GPC5: variants seen among roughly 807,000 people sequenced by gnomAD.
GPC5 encodes glypican 5.
Under a neutral mutation model 53.9 loss-of-function variants are expected in GPC5, and 47 were observed. That is an observed-to-expected ratio of 0.87 (90% CI 0.69 to 1.11). The LOEUF (loss-of-function observed/expected upper bound fraction) is 1.11, where lower values mean the gene tolerates loss of function less well. Ranked by LOEUF, GPC5 falls within the 50% of genes most tolerant of loss-of-function variation. GPC5 has a pLI of 0.00. For synonymous variants in GPC5, 286 were observed against 263.3 expected (o/e 1.09, Z -0.84); for missense variants, 748 against 713.1 (o/e 1.05, Z -0.56).
At chr13:92,743,705 T>A (rs1594472454) in intron 7 of GPC5, among the ~76,000 whole-genome samples, 1 of 152,196 alleles carries the variant, frequency 6.6e-6, no homozygotes. Context: ...CCATTCAGTA[T>A]GATATTGGCT....
chr13:91,883,346 T>G (rs2039287803), intron 5 of GPC5, among the ~76,000 whole-genome samples: 1 of 152,214 alleles, frequency 6.6e-6, no homozygotes, highest in Admixed American at 6.5e-5. Context: ...CTCTATTGAT[T>G]GTAGCAGTCA....
At chr13:92,465,703 G>T (rs1224346636) in intron 7 of GPC5, among the ~76,000 whole-genome samples, 1 of 151,434 alleles carries the variant, frequency 6.6e-6, no homozygotes, top group South Asian at 2.1e-4. Flanking sequence ...AAGTCATTTT[G>T]ATTTCATTTC....
At chr13:92,722,272 G>A (rs747289161) in intron 7 of GPC5, among the ~76,000 whole-genome samples, 44 of 152,018 alleles carry the variant, frequency 2.9e-4, no homozygotes, top group African/African-American at 1.1e-3. Flanking sequence ...TGCCTTCATC[G>A]GATAAGGTGC....
At chr13:92,751,551 C>T (rs1469187546) in intron 7 of GPC5, among the ~76,000 whole-genome samples, 1 of 140,136 alleles carries the variant, frequency 7.1e-6, no homozygotes, top group East Asian at 2.1e-4. Context: ...GAGTCTTGGT[C>T]CTTCTAAATT....
intron 7 of GPC5, among the ~76,000 whole-genome samples, chr13:92,197,735 C>T (rs761981244): frequency 2.0e-5 from 3 of 151,068 alleles, no homozygotes; most frequent in East Asian, 1.9e-4. Flanking sequence ...AGACTGGTCT[C>T]GAACTCCTGG....
At chr13:91,690,315 G>T (rs1485881199) in intron 2 of GPC5, among the ~76,000 whole-genome samples, 4 of 151,850 alleles carry the variant, frequency 2.6e-5, no homozygotes, top group Non-Finnish European at 5.9e-5. Context: ...TTATTATCAG[G>T]TTCTTTTTGG....
At chr13:91,972,234 C>A (rs2040249781) in intron 6 of GPC5, among the ~76,000 whole-genome samples, 1 of 152,226 alleles carries the variant, frequency 6.6e-6, no homozygotes, top group South Asian at 2.1e-4. Context: ...CCTTCTTTGT[C>A]TCTTTTGATC....
At chr13:92,409,199 T>C (rs977513708) in intron 7 of GPC5, among the ~76,000 whole-genome samples, 5 of 151,954 alleles carry the variant, frequency 3.3e-5, no homozygotes, top group African/African-American at 4.8e-5. Context: ...ATAGGGAAGA[T>C]CTTTCTAGGT....
chr13:92,226,674 C>T (rs1188752009), intron 7 of GPC5, among the ~76,000 whole-genome samples: 1 of 150,966 alleles, frequency 6.6e-6, no homozygotes, highest in African/African-American at 2.4e-5. Flanking sequence ...ATCTCGGTCA[C>T]TGCCACCTCT....
rs1307610160 is a variant in GPC5 at position 91,728,533 on chromosome 13, T to C, written c.1022T>C (p.Val341Ala). The C allele has an allele frequency of 3.1e-6, 5 of 1,609,970 alleles. No individual in the cohort carries two copies. Among genetic ancestry groups the C allele is most frequent in the Non-Finnish European group, 4.2e-6 (5 of 1,177,964 alleles). ...CTTTTAATGTTTTCTATTTAAAAGGTAAATAGGATTTGTGGCCGCCCTGTA... is the reference window on the plus strand; with the variant it reads ...CTTTTAATGTTTTCTATTTAAAAGGCAAATAGGATTTGTGGCCGCCCTGTA... ...HLNGQKLLEQ[V>A]NRICGRPVRT... is the part of the protein sequence containing the mutation. Residue 341 changes from valine to alanine, a missense_variant and splice_region_variant, in exon 4 of 8, where the codon GTA becomes GCA. By Grantham distance (64) the Val-to-Ala change is moderately conservative. Coordinates refer to ENST00000377067, the MANE Select transcript of GPC5 (RefSeq NM_004466.6).
chr13:92,167,561 AAAAT>A (rs1223724719), intron 7 of GPC5, among the ~76,000 whole-genome samples: 1 of 152,252 alleles, frequency 6.6e-6, no homozygotes, highest in Non-Finnish European at 1.5e-5. Flanking sequence ...TCTTTTGAGT[AAAAT>A]AAATGGTTTT....
At chr13:92,784,706 G>A (rs1876152846) in intron 7 of GPC5, among the ~76,000 whole-genome samples, 1 of 152,062 alleles carries the variant, frequency 6.6e-6, no homozygotes, top group Non-Finnish European at 1.5e-5. Context: ...TCCTATTTCA[G>A]TTAGTGGATT....
chr13:91,960,334 C>CA (rs202056586), intron 6 of GPC5, among the ~76,000 whole-genome samples: 3 of 151,476 alleles, frequency 2.0e-5, no homozygotes, highest in East Asian at 1.9e-4. Context: ...ACAATGGCTA[C>CA]AAAAAAATAA....
Position 92,277,213 on chromosome 13 carries a change from A to G in GPC5, c.1561+132224A>G, listed in dbSNP as rs147773915. On this transcript the variant is annotated intron_variant, in intron 7 of 7. Transcript: ENST00000377067. ...AGATTGTAGGGAATTGACACCCACC[A>G]TGGGTCTGGGAACATGTAACACCTT... Among the ~76,000 whole-genome samples the G allele has an allele frequency of 7.2e-5, 11 of 152,122 alleles. No homozygotes were observed. In the East Asian group the frequency reaches 1.9e-3, roughly 27 times the overall value.
intron 7 of GPC5, among the ~76,000 whole-genome samples, chr13:92,691,952 G>T (rs1887414058): frequency 6.6e-6 from 1 of 152,072 alleles, no homozygotes; most frequent in African/African-American, 2.4e-5. Context: ...CTGAGGTTTG[G>T]AGTACAAATA....
chr13:92,570,373 A>G (rs1053183796), intron 7 of GPC5, among the ~76,000 whole-genome samples: 19 of 152,118 alleles, frequency 1.2e-4, no homozygotes, highest in Admixed American at 5.2e-4. Context: ...TTAAAAATTG[A>G]TCAAGTCAAT....
chr13:92,631,384 C>T, intron 7 of GPC5, among the ~76,000 whole-genome samples: 1 of 151,902 alleles, frequency 6.6e-6, no homozygotes, highest in East Asian at 1.9e-4. Context: ...TCAGAGGGAA[C>T]AAAATTTAAA....
intron 7 of GPC5, among the ~76,000 whole-genome samples, chr13:92,440,211 G>C (rs896143131): frequency 2.1e-4 from 32 of 152,282 alleles, no homozygotes; most frequent in African/African-American, 7.5e-4. Flanking sequence ...CATGTACTGA[G>C]AATAGTACCC....
At chr13:91,598,827 T>C (rs2033083318) in intron 2 of GPC5, among the ~76,000 whole-genome samples, 1 of 152,014 alleles carries the variant, frequency 6.6e-6, no homozygotes, top group Non-Finnish European at 1.5e-5. Flanking sequence ...TACTAGGGTA[T>C]TGGTAGGCTC....
Sources: gnomAD v4.1 joint callset for allele counts (sites outside exome capture counted in the v4.1 genomes callset) on GRCh38, gnomAD v4.1.1 for gene constraint, MANE v1.5 for transcripts, NCBI Gene and HGNC (gene_info 2026-07-23, HGNC 2026-07-21) for gene names.